The following CLC variants were observed in gnomAD, a reference collection of about 807,000 sequenced individuals.
CLC encodes the protein Charcot-Leyden crystal galectin, also known as galectin-10.
CLC carries 15 observed loss-of-function variants against 13.9 expected under a neutral mutation model. That is an observed-to-expected ratio of 1.08 (90% CI 0.72 to 1.66). The LOEUF is 1.66. Among genes scored for constraint, CLC ranks in the 40% most tolerant of loss-of-function variants. CLC has a pLI of 0.00. For missense variants in CLC, 161 were observed against 169.1 expected (o/e 0.95, Z 0.27); for synonymous variants, 68 against 59.9 (o/e 1.14, Z -0.63).
In CLC at chr19:39,737,924, C is replaced by T. The variant is rs201613098; in HGVS notation, c.15+14G>A. ...TGACCTGAGATTATTGAAGGCTGTG[C>T]CTTTTTAACTCACGGGTAGCAGGGA... On this transcript the variant is annotated intron_variant, in intron 1 of 3. Transcript: ENST00000221804. The T allele has an allele frequency of 4.7e-4, 765 of 1,612,128 alleles. 7 individuals are homozygous for T. The highest frequency in any genetic ancestry group is 7.4e-5 in the Non-Finnish European group (87 of 1,178,906).
intron 3 of CLC, 80 bp downstream of exon 3, chr19:39,734,203 C>G: frequency 6.8e-7 from 1 of 1,481,400 alleles, no homozygotes; most frequent in Non-Finnish European, 9.2e-7. Context: ...AGGGAGTTAT[C>G]TGGAGTTAGG....
In CLC at chr19:39,738,007, C is replaced by T; in HGVS notation, c.-55G>A. The T allele has an allele frequency of 6.4e-6, 10 of 1,574,216 alleles. No individual in the cohort carries two copies. In the South Asian group the frequency reaches 6.7e-5, roughly 11 times the overall value. ...ATTGTGTCCAGACTTCTGTGTGAAT[C>T]TCTGAGCTGCAGAATTTAAATGGCC... On this transcript the variant is annotated 5_prime_UTR_variant, in exon 1 of 4. Transcript: ENST00000221804.
intron 2 of CLC, 81 bp downstream of exon 2, chr19:39,734,916 A>G (rs932889702): frequency 9.1e-7 from 1 of 1,100,788 alleles, no homozygotes; most frequent in Non-Finnish European, 1.4e-6. Flanking sequence ...GACTTTCCAC[A>G]TGATTCACAC....
intron 1 of CLC, 91 bp downstream of exon 1, chr19:39,737,847 T>C: frequency 7.6e-7 from 1 of 1,320,774 alleles, no homozygotes; most frequent in Non-Finnish European, 1.1e-6. Context: ...GCATTCACAG[T>C]AGAAATTTTC....
chr19:39,735,749 C>T (rs1289128656), intron 1 of CLC, among the ~76,000 whole-genome samples: 1 of 152,184 alleles, frequency 6.6e-6, no homozygotes, highest in African/African-American at 2.4e-5. Flanking sequence ...ACCCTTTAGC[C>T]TAAACCCTGG....
intron 1 of CLC, 26 bp from the exon 2 acceptor site, chr19:39,735,099 G>C (rs371275462): frequency 2.6e-6 from 4 of 1,564,818 alleles, no homozygotes; most frequent in Non-Finnish European, 3.5e-6. Flanking sequence ...GAGTGGGTGA[G>C]AGAGGCAGGG....
intron 3 of CLC, 36 bp downstream of exon 3, chr19:39,734,247 T>C (rs391660): frequency 0.66 from 1,050,175 of 1,596,548 alleles, 351,684 homozygotes; most frequent in African/African-American, 0.76. Context: ...TGAGATCCCA[T>C]GGAAGCCGGG....
rs371026440 is a variant in CLC at position 39,734,475 on chromosome 19, C to T, written c.111G>A (p.Gln37=). ...CCTTCATCTCAGTGTGGAAATCCAC[C>T]TGCAGATATGGTTCATTCCTGAGGG... The part of the protein sequence containing the change: ...LACFLNEPYL[Q]VDFHTEMKEE... The change falls in exon 3 of 4, where the codon CAG becomes CAA. Residue 37 remains glutamine, a synonymous_variant. Coordinates refer to ENST00000221804, the MANE Select transcript of CLC (RefSeq NM_001828.6). The T allele has an allele frequency of 2.5e-6, 4 of 1,614,112 alleles. No individual in the cohort carries two copies. Among genetic ancestry groups the T allele is most frequent in the East Asian group, 4.5e-5 (2 of 44,866 alleles).
chr19:39,731,650 T>C (rs113091367), intron 3 of CLC, 145 bp from the exon 4 acceptor site: 27 of 742,414 alleles, frequency 3.6e-5, no homozygotes, highest in African/African-American at 3.2e-4. Context: ...ACTTCTTTTT[T>C]ACAGACTACC....
chr19:39,734,424 G>C lies in CLC; in HGVS notation c.162C>G (p.Phe54Leu). The C allele has an allele frequency of 6.2e-7, 1 of 1,614,148 alleles. No homozygotes were observed. The highest frequency in any genetic ancestry group is 8.5e-7 in the Non-Finnish European group (1 of 1,179,990). ...MKEESDIVFHFQVCFGRRVVM... is the reference protein window; with the variant it reads ...MKEESDIVFHLQVCFGRRVVM... Reference sequence around the variant, plus strand: ...CCACACGACGACCAAAGCACACTTGGAAATGGAAGACAATGTCTGATTCCT... The same window carrying C: ...CCACACGACGACCAAAGCACACTTGCAAATGGAAGACAATGTCTGATTCCT... The change falls in exon 3 of 4, where the codon TTC (phenylalanine) becomes TTG (leucine). Residue 54 changes from phenylalanine to leucine, a missense_variant. By Grantham distance (22) the Phe-to-Leu change is conservative. Transcript: ENST00000221804.
At chr19:39,735,493 A>C (rs2144918662) in intron 1 of CLC, among the ~76,000 whole-genome samples, 1 of 152,092 alleles carries the variant, frequency 6.6e-6, no homozygotes, top group Middle Eastern at 3.4e-3. Flanking sequence ...TTTTATACGT[A>C]TTTGGAGAGT....
chr19:39,737,239 C>T (rs776531894), intron 1 of CLC, among the ~76,000 whole-genome samples: 13 of 151,424 alleles, frequency 8.6e-5, no homozygotes, highest in Non-Finnish European at 1.9e-4. Flanking sequence ...TTCTCACCCC[C>T]ATTCTGCTTG....
At position 39,735,741 on chromosome 19, in the gene CLC, C is replaced by A. The variant is rs115789491; in HGVS notation, c.16-668G>T. Among the ~76,000 whole-genome samples the A allele has an allele frequency of 5.3e-3, 813 of 152,212 alleles. 11 individuals carry two copies. Among genetic ancestry groups the A allele is most frequent in the African/African-American group, 0.019 (786 of 41,534 alleles). On this transcript the variant is annotated intron_variant, in intron 1 of 3. Coordinates refer to ENST00000221804, the MANE Select transcript of CLC (RefSeq NM_001828.6). ...TATACAGTAGTTAATAGATGTAAAC[C>A]CTTTAGCCTAAACCCTGGCACGTAT...
In CLC at chr19:39,732,085, A is replaced by T. The variant is rs1356740436; in HGVS notation, c.304-580T>A. Among the ~76,000 whole-genome samples, 5 of 147,370 alleles carry T rather than the reference A, an allele frequency of 3.4e-5. No individual in the cohort carries two copies. In the East Asian group the frequency reaches 5.9e-4, roughly 17 times the overall value. On this transcript the variant is annotated intron_variant, in intron 3 of 3. Transcript: ENST00000221804. ...TTATTAAATTATTTATTTATTATTT[A>T]TTTTTTTTATTATACTTTAAGTTTT...
intron 1 of CLC, among the ~76,000 whole-genome samples, chr19:39,735,536 G>A (rs1052291667): frequency 6.6e-6 from 1 of 152,088 alleles, no homozygotes; most frequent in Non-Finnish European, 1.5e-5. Flanking sequence ...GGCTGGTCTG[G>A]AGCATCTAGG....
Position 39,734,503 on chromosome 19 carries a change from G to C in CLC, c.93-10C>G. On this transcript the variant is annotated splice_polypyrimidine_tract_variant and intron_variant, in intron 2 of 3. Transcript: ENST00000221804. Reference sequence around the variant, plus strand: ...CAGATATGGTTCATTCCTGAGGGCAGAGCACACAGTGTTGAGCAGGTCCCT... The same window carrying C: ...CAGATATGGTTCATTCCTGAGGGCACAGCACACAGTGTTGAGCAGGTCCCT... 1 of 1,610,324 alleles carries C rather than the reference G, an allele frequency of 6.2e-7. No homozygotes were observed. The highest frequency in any genetic ancestry group is 2.2e-5 in the East Asian group (1 of 44,826).
At chr19:39,734,597 G>A (rs946448650) in intron 2 of CLC, 104 bp from the exon 3 acceptor site, 2 of 952,990 alleles carry the variant, frequency 2.1e-6, no homozygotes, top group Non-Finnish European at 3.3e-6. Context: ...GCAAAGACTT[G>A]TTGGTATTCT....
chr19:39,734,162 G>T, intron 3 of CLC, 121 bp downstream of exon 3: 1 of 1,381,858 alleles, frequency 7.2e-7, no homozygotes, highest in Non-Finnish European at 9.7e-7. Flanking sequence ...TGGGATAAGG[G>T]GAGTTGTGGG....
rs1967308228 is a variant in CLC, at chr19:39,736,270, T to C, written c.16-1197A>G. On this transcript the variant is annotated intron_variant, in intron 1 of 3. Transcript: ENST00000221804. ...AACAGGAAAGAACAGGAAACCCCTG[T>C]GCGTGGGAGGCACATACATCACAAT... Among the ~76,000 whole-genome samples the C allele has an allele frequency of 2.0e-5, 3 of 152,038 alleles. No individual in the cohort carries two copies. The South Asian group carries it at 6.2e-4, about 32-fold the overall frequency.
Sources: gnomAD v4.1 joint callset for allele counts (sites outside exome capture counted in the v4.1 genomes callset) on GRCh38, gnomAD v4.1.1 for gene constraint, MANE v1.5 for transcripts, NCBI Gene and HGNC (gene_info 2026-07-23, HGNC 2026-07-21) for gene names.